The following NUDCD1 variants were observed in gnomAD, a reference collection of about 807,000 sequenced individuals.
NUDCD1 encodes nudC domain-containing protein 1.
NUDCD1 carries 60 observed loss-of-function variants against 67.8 expected under a neutral mutation model. The observed-to-expected ratio is 0.88, with a 90% CI of 0.72 to 1.10. The LOEUF is 1.10. Among genes scored for constraint, NUDCD1 ranks in the 50% least tolerant of loss-of-function variants. The probability of loss-of-function intolerance (pLI) is 0.00; values close to 1 mark genes in which losing one functional copy is unlikely to be tolerated. For synonymous variants in NUDCD1, 244 were observed against 230.8 expected (o/e 1.06, Z -0.52); for missense variants, 643 against 695.0 (o/e 0.93, Z 0.84).
At chr8:109,295,245 G>T (rs1039873434) in intron 3 of NUDCD1, among the ~76,000 whole-genome samples, 2 of 152,244 alleles carry the variant, frequency 1.3e-5, no homozygotes, top group East Asian at 1.9e-4. Flanking sequence ...AAAATCTACA[G>T]AATCCATACA....
Position 109,242,066 on chromosome 8 carries a change from C to T in NUDCD1, c.*943G>A, listed in dbSNP as rs1227817942. The T allele has an allele frequency of 5.0e-6, 2 of 397,798 alleles. No homozygotes were observed. The highest frequency in any genetic ancestry group is 4.4e-6 in the Non-Finnish European group (1 of 225,682). The allele number at this position is 397,798 out of a possible 1,614,324, so 24.6% of individuals were successfully genotyped here. ...CCACAAGGATAAATTATAATTTGTC[C>T]TTGTGTGGTAAGATTGTTCCATCAA... On this transcript the variant is annotated 3_prime_UTR_variant, in exon 10 of 10. Coordinates refer to ENST00000239690, the MANE Select transcript of NUDCD1 (RefSeq NM_032869.4).
At chr8:109,268,479 A>G (rs188931978) in intron 8 of NUDCD1, among the ~76,000 whole-genome samples, 1 of 152,294 alleles carries the variant, frequency 6.6e-6, no homozygotes, top group East Asian at 1.9e-4. Flanking sequence ...TTTAATTAAC[A>G]TGCTCAAACA....
chr8:109,290,283 G>A (rs1311932161), intron 4 of NUDCD1, among the ~76,000 whole-genome samples: 1 of 152,090 alleles, frequency 6.6e-6, no homozygotes, highest in Non-Finnish European at 1.5e-5. Context: ...AGCTACTGCA[G>A]TGAATGGTAC....
intron 1 of NUDCD1, among the ~76,000 whole-genome samples, chr8:109,330,603 C>T (rs1815783380): frequency 6.6e-6 from 1 of 152,218 alleles, no homozygotes; most frequent in African/African-American, 2.4e-5. Context: ...ATCTTCCAAA[C>T]TCAACCTCCA....
chr8:109,312,482 G>T (rs1040428277), intron 2 of NUDCD1, among the ~76,000 whole-genome samples: 1 of 152,084 alleles, frequency 6.6e-6, no homozygotes, highest in African/African-American at 2.4e-5. Flanking sequence ...AAAGCTATGA[G>T]GTGCTGCTAT....
intron 2 of NUDCD1, among the ~76,000 whole-genome samples, chr8:109,297,400 GA>G (rs1246902116): frequency 6.6e-6 from 1 of 152,166 alleles, no homozygotes. Flanking sequence ...CCCAAAAGCT[GA>G]GTTAAAACCT....
intron 2 of NUDCD1, among the ~76,000 whole-genome samples, chr8:109,319,173 T>G (rs183148254): frequency 0.021 from 3,136 of 152,050 alleles, 109 homozygotes; most frequent in African/African-American, 0.071. Flanking sequence ...CAGGGTTTCA[T>G]CGTGTCAGCC....
intron 8 of NUDCD1, among the ~76,000 whole-genome samples, chr8:109,247,790 GA>G (rs1188147642): frequency 6.6e-6 from 1 of 152,138 alleles, no homozygotes; most frequent in African/African-American, 2.4e-5. Context: ...TGAATTCTGA[GA>G]ACTCCAGCAT....
rs780060315 is a variant in NUDCD1 at position 109,271,115 on chromosome 8, T to TGCA, written c.1188_1189insTGC (p.Asp396_Lys397insCys). On this transcript the variant is annotated inframe_insertion, in exon 8 of 10. Coordinates refer to ENST00000239690, the MANE Select transcript of NUDCD1 (RefSeq NM_032869.4). ...TGAGCATTGCAAGGTGGTTTTTCTT[T>TGCA]ATCTGGATTTGGATTCTTAGTCCAG... 1.9e-6 allele frequency: 3 copies of TGCA among 1,567,158 alleles called. No individual in the cohort carries two copies. The highest frequency in any genetic ancestry group is 1.9e-5 in the Admixed American group (1 of 53,686).
chr8:109,280,100 T>C (rs1042951625), intron 6 of NUDCD1, among the ~76,000 whole-genome samples: 1 of 152,236 alleles, frequency 6.6e-6, no homozygotes, highest in Admixed American at 6.5e-5. Flanking sequence ...TGAAATAATA[T>C]GTATATAAAC....
At chr8:109,298,689 A>G (rs1162305599) in intron 2 of NUDCD1, 1 of 152,202 alleles carries the variant, frequency 6.6e-6, no homozygotes, top group African/African-American at 2.4e-5. Context: ...AAAAGCCCTT[A>G]AAACTTAACA....
chr8:109,313,295 A>C (rs1563682027), intron 2 of NUDCD1, among the ~76,000 whole-genome samples: 1 of 152,210 alleles, frequency 6.6e-6, no homozygotes, highest in South Asian at 2.1e-4. Flanking sequence ...AGAATACCAA[A>C]TAATTGTTAA....
chr8:109,246,505 TATGTCAATA>T (rs1813500707), intron 8 of NUDCD1, among the ~76,000 whole-genome samples: 1 of 152,206 alleles, frequency 6.6e-6, no homozygotes, highest in African/African-American at 2.4e-5. Context: ...TCAATGTCAA[TATGTCAATA>T]ATGTCAACAT....
chr8:109,316,197 T>G (rs1392062084), intron 2 of NUDCD1: 1 of 152,182 alleles, frequency 6.6e-6, no homozygotes, highest in Non-Finnish European at 1.5e-5. Flanking sequence ...TTAAACACAT[T>G]TTTGCTTTCC....
At chr8:109,327,848 G>A (rs1229152913) in intron 1 of NUDCD1, among the ~76,000 whole-genome samples, 1 of 152,142 alleles carries the variant, frequency 6.6e-6, no homozygotes, top group African/African-American at 2.4e-5. Flanking sequence ...CTGCCTGGCC[G>A]CTAAAGCAGA....
At chr8:109,284,297 C>T (rs776862546) in intron 5 of NUDCD1, among the ~76,000 whole-genome samples, 9 of 152,144 alleles carry the variant, frequency 5.9e-5, no homozygotes, top group African/African-American at 9.7e-5. Context: ...AAAACAAGTA[C>T]TTCTAGACCT....
intron 1 of NUDCD1, among the ~76,000 whole-genome samples, chr8:109,325,468 G>A (rs1205339379): frequency 6.6e-6 from 1 of 152,050 alleles, no homozygotes; most frequent in Non-Finnish European, 1.5e-5. Flanking sequence ...TAAAATCCCA[G>A]TTTATCAATT....
chr8:109,312,824 C>A (rs932008174), intron 2 of NUDCD1, among the ~76,000 whole-genome samples: 1 of 152,138 alleles, frequency 6.6e-6, no homozygotes, highest in African/African-American at 2.4e-5. Flanking sequence ...CAGATAAGGC[C>A]TCTGCATGAC....
At chr8:109,281,312 C>A in intron 5 of NUDCD1, 140 bp from the exon 6 acceptor site, 1 of 548,058 alleles carries the variant, frequency 1.8e-6, no homozygotes, top group Non-Finnish European at 3.2e-6. Context: ...ATGCACAGAT[C>A]TCTTTGAGGA....
Sources: allele counts gnomAD v4.1 joint callset (sites outside exome capture counted in the v4.1 genomes callset), GRCh38; gene constraint gnomAD v4.1.1; transcripts MANE v1.5; gene names NCBI Gene and HGNC (gene_info 2026-07-23, HGNC 2026-07-21).